The following BATF variants were observed in gnomAD, a reference collection of about 807,000 sequenced individuals.
BATF encodes the protein basic leucine zipper transcriptional factor ATF-like.
BATF carries 5 observed loss-of-function variants against 13.7 expected under a neutral mutation model. That is an observed-to-expected ratio of 0.36 (90% confidence interval 0.19 to 0.77). BATF has a LOEUF of 0.77. Among genes scored for constraint, BATF ranks in the 30% least tolerant of loss-of-function variants. The pLI is 0.51. For synonymous variants in BATF, 72 were observed against 67.5 expected (o/e 1.07, Z -0.33); for missense variants, 124 against 163.0 (o/e 0.76, Z 1.30).
chr14:75,539,103 C>T lies in BATF; in HGVS notation c.169-7359C>T, dbSNP rs550347634. On this transcript the variant is annotated intron_variant, in intron 2 of 2. Transcript: ENST00000286639. ...CAAATGAGGAATCAACAAATCATGG[C>T]CTACTTTTCTCATGTAACAAGAAGT... Among the ~76,000 whole-genome samples the T allele has an allele frequency of 3.9e-5, 6 of 152,276 alleles. No homozygotes were observed. In the South Asian group the frequency reaches 1.2e-3, roughly 32 times the overall value.
At chr14:75,526,794 T>C (rs1432251390) in intron 2 of BATF, among the ~76,000 whole-genome samples, 1 of 152,226 alleles carries the variant, frequency 6.6e-6, no homozygotes, top group East Asian at 1.9e-4. Flanking sequence ...TTTACCACCT[T>C]AAGCTTGAAC....
At chr14:75,542,168 G>A (rs1313971143) in intron 2 of BATF, among the ~76,000 whole-genome samples, 1 of 152,250 alleles carries the variant, frequency 6.6e-6, no homozygotes, top group Non-Finnish European at 1.5e-5. Flanking sequence ...CTATAGCACA[G>A]CTGTCACCAG....
Position 75,546,453 on chromosome 14 carries a change from C to T in BATF, c.169-9C>T, listed in dbSNP as rs1887987200. The T allele has an allele frequency of 6.2e-7, 1 of 1,614,028 alleles. No individual in the cohort carries two copies. Among genetic ancestry groups the T allele is most frequent in the Non-Finnish European group, 8.5e-7 (1 of 1,179,944 alleles). The stretch of plus-strand genomic sequence containing the variant: ...CACTAACCTCCGGTGCTGATCCCCA[C>T]CCCTACAGGAGAGCGAAGACCTGGA... On this transcript the variant is annotated splice_polypyrimidine_tract_variant and intron_variant, in intron 2 of 2. Coordinates refer to ENST00000286639, the MANE Select transcript of BATF (RefSeq NM_006399.5).
intron 2 of BATF, among the ~76,000 whole-genome samples, chr14:75,527,763 G>A (rs1010467489): frequency 6.6e-6 from 1 of 152,188 alleles, no homozygotes; most frequent in Admixed American, 6.5e-5. Context: ...TCAGTTTCTA[G>A]AATGTTCCAA....
intron 2 of BATF, among the ~76,000 whole-genome samples, chr14:75,545,738 C>T (rs1005688088): frequency 6.6e-6 from 1 of 152,138 alleles, no homozygotes; most frequent in African/African-American, 2.4e-5. Context: ...CTGCCAGCTG[C>T]TTTCCCTTGC....
At chr14:75,544,567 A>AGG (rs1265696172) in intron 2 of BATF, among the ~76,000 whole-genome samples, 11 of 148,618 alleles carry the variant, frequency 7.4e-5, no homozygotes, top group African/African-American at 2.4e-4. Context: ...TGTCTCAAAA[A>AGG]AAAAAAAAAA....
chr14:75,542,147 T>C (rs536596399), intron 2 of BATF, among the ~76,000 whole-genome samples: 2 of 152,338 alleles, frequency 1.3e-5, no homozygotes, highest in African/African-American at 4.8e-5. Flanking sequence ...ACAAGTGCCT[T>C]GAGGTGAATC....
intron 2 of BATF, among the ~76,000 whole-genome samples, chr14:75,541,141 T>A (rs189043746): frequency 0.017 from 2,577 of 152,208 alleles, 38 homozygotes; most frequent in South Asian, 0.037. Context: ...GCTATTTTTT[T>A]AAAAAAATTT....
rs367946296 is a variant in BATF, at chr14:75,540,775, C to T, written c.169-5687C>T. Among the ~76,000 whole-genome samples, 12 of 152,120 alleles carry T rather than the reference C, an allele frequency of 7.9e-5. No homozygotes were observed. In the East Asian group the frequency reaches 1.5e-3, roughly 19 times the overall value. On this transcript the variant is annotated intron_variant, in intron 2 of 2. Coordinates refer to ENST00000286639, the MANE Select transcript of BATF (RefSeq NM_006399.5). ...AATACTTAAAAGAGTGATTGGCACA[C>T]GGAAGTATTCAATAAATGTTAGTTA...
intron 2 of BATF, among the ~76,000 whole-genome samples, chr14:75,527,469 T>A (rs1437527214): frequency 1.3e-5 from 2 of 152,196 alleles, no homozygotes; most frequent in Non-Finnish European, 2.9e-5. Context: ...CAGAAGAGTC[T>A]TTCCTATGTT....
intron 2 of BATF, among the ~76,000 whole-genome samples, chr14:75,528,396 C>G (rs1887683110): frequency 6.6e-6 from 1 of 152,182 alleles, no homozygotes; most frequent in Non-Finnish European, 1.5e-5. Flanking sequence ...TCGACATTTT[C>G]AGCATCTATC....
At chr14:75,524,837 C>A (rs1467847456) in intron 1 of BATF, among the ~76,000 whole-genome samples, 2 of 150,604 alleles carry the variant, frequency 1.3e-5, no homozygotes, top group Non-Finnish European at 3.0e-5. Flanking sequence ...TCTATTGAGT[C>A]CTCAAGTTCT....
intron 2 of BATF, among the ~76,000 whole-genome samples, chr14:75,533,445 A>G (rs1446007108): frequency 1.3e-5 from 2 of 151,628 alleles, no homozygotes; most frequent in Non-Finnish European, 2.9e-5. Flanking sequence ...AAAAAAAAAA[A>G]AGAATGACTG....
At chr14:75,534,273 G>C (rs1203734257) in intron 2 of BATF, among the ~76,000 whole-genome samples, 5 of 152,156 alleles carry the variant, frequency 3.3e-5, no homozygotes, top group African/African-American at 1.2e-4. Flanking sequence ...AGTGGGCAGA[G>C]GCAATGAACA....
chr14:75,531,697 T>G (rs1887736546), intron 2 of BATF, among the ~76,000 whole-genome samples: 1 of 152,184 alleles, frequency 6.6e-6, no homozygotes. Context: ...AATGAAGCTT[T>G]GAGCTAACAC....
chr14:75,527,121 A>G (rs1887664770), intron 2 of BATF, among the ~76,000 whole-genome samples: 1 of 152,158 alleles, frequency 6.6e-6, no homozygotes, highest in Non-Finnish European at 1.5e-5. Flanking sequence ...GGAAAATGAC[A>G]ATAACTACCC....
chr14:75,544,247 A>G (rs1041622123), intron 2 of BATF, among the ~76,000 whole-genome samples: 2 of 152,166 alleles, frequency 1.3e-5, no homozygotes, highest in African/African-American at 4.8e-5. Context: ...AGGATTTAAA[A>G]AAAAAATTAT....
In BATF at chr14:75,544,562, C is replaced by CAGGAAAAAA. The variant is rs754402071; in HGVS notation, c.169-1899_169-1898insGGAAAAAAA. 6.1e-5 allele frequency among the ~76,000 whole-genome samples: 2 copies of CAGGAAAAAA among 33,020 alleles called. 1 individual carries two copies. The allele number at this position is 33,020 out of a possible 152,430, so 21.7% of individuals were successfully genotyped here. The stretch of plus-strand genomic sequence containing the variant: ...CCTGGGTGACAGAGTGAGACTGTCT[C>CAGGAAAAAA]AAAAAAAAAAAAAAAAAAAAAAAAA... On this transcript the variant is annotated intron_variant, in intron 2 of 2. Transcript: ENST00000286639.
chr14:75,536,589 G>A (rs1480521478), intron 2 of BATF, among the ~76,000 whole-genome samples: 1 of 151,976 alleles, frequency 6.6e-6, no homozygotes, highest in East Asian at 1.9e-4. Context: ...TAAATATCCA[G>A]GCATGCACCT....
Sources: allele counts gnomAD v4.1 joint callset (sites outside exome capture counted in the v4.1 genomes callset), GRCh38; gene constraint gnomAD v4.1.1; transcripts MANE v1.5; gene names NCBI Gene and HGNC (gene_info 2026-07-23, HGNC 2026-07-21).